Variants in MACF1 observed in about 807,000 individuals in gnomAD.
The protein encoded by MACF1 is microtubule-actin cross-linking factor 1.
In MACF1, 193 loss-of-function variants were observed where a neutral mutation model predicts 854.8. The observed-to-expected ratio is 0.23, with a 90% CI of 0.20 to 0.25. The LOEUF (loss-of-function observed/expected upper bound fraction) is 0.25, where lower values mean the gene tolerates loss of function less well. Among genes scored for constraint, MACF1 ranks in the 10% least tolerant of loss-of-function variants. MACF1 has a pLI of 1.00. For synonymous variants in MACF1, 3,185 were observed against 3,226.7 expected, an observed-to-expected ratio of 0.99 and a Z score of 0.44; for missense variants, 7,722 against 8,929.1, an observed-to-expected ratio of 0.86 and a Z score of 5.45.
intron 41 of MACF1, among the ~76,000 whole-genome samples, chr1:39,348,156 C>A (rs768615356): frequency 6.6e-6 from 1 of 152,096 alleles, no homozygotes. Context: ...GTATTACTGT[C>A]TCATTTTTTC....
chr1:39,208,168 T>TG (rs1291866827), intron 1 of MACF1, among the ~76,000 whole-genome samples: 1 of 147,898 alleles, frequency 6.8e-6, no homozygotes, highest in Non-Finnish European at 1.5e-5. Context: ...ATAAAAGGGT[T>TG]TTTTTTTTTT....
At position 39,296,730 on chromosome 1, in the gene MACF1, A is replaced by AAAAG. The variant is rs202187123; in HGVS notation, c.2355+869_2356-866dup. Among the ~76,000 whole-genome samples the AAAAG allele has an allele frequency of 2.7e-3, 238 of 87,052 alleles. 2 individuals carry two copies. Among genetic ancestry groups the AAAAG allele is most frequent in the African/African-American group, 9.2e-3 (184 of 20,020 alleles). The allele number at this position is 87,052 out of a possible 152,430, so 57.1% of individuals were successfully genotyped here. A position where few individuals can be genotyped will look rare whatever the true frequency, so the allele number is the denominator to read the frequency against. ...GGGCAACAGAGCAAGTGTCTAAATA[A>AAAAG]AAAGAAAGAAAGAAAGAAAGAAAGG... On this transcript the variant is annotated intron_variant, in intron 20 of 100. Transcript: ENST00000564288.
At chr1:39,445,213 G>A (rs771942022) in intron 80 of MACF1, among the ~76,000 whole-genome samples, 6 of 152,276 alleles carry the variant, frequency 3.9e-5, no homozygotes, top group East Asian at 3.9e-4. Context: ...GGTTCCTAAC[G>A]TAAATGTAGT....
At chr1:39,326,698 AAAAG>A (rs1557589086) in intron 35 of MACF1, among the ~76,000 whole-genome samples, 1 of 150,442 alleles carries the variant, frequency 6.6e-6, no homozygotes, top group Non-Finnish European at 1.5e-5. Context: ...AAAAAAAAAA[AAAAG>A]AGAGAAGAAA....
chr1:39,136,651 T>C (rs1643178219), intron 2 of MACF1, among the ~76,000 whole-genome samples: 1 of 152,146 alleles, frequency 6.6e-6, no homozygotes, highest in Non-Finnish European at 1.5e-5. Context: ...AGACCAGTTG[T>C]CTCTCAGAAG....
chr1:39,122,793 C>A (rs1642749914), intron 2 of MACF1, among the ~76,000 whole-genome samples: 1 of 152,174 alleles, frequency 6.6e-6, no homozygotes, highest in African/African-American at 2.4e-5. Context: ...ATTCCAGAAG[C>A]ATTCTCGCCA....
At position 39,439,264 on chromosome 1, in the gene MACF1, ACCT is replaced by A. The variant is rs1274078230; in HGVS notation, c.18221-5_18221-3del. The A allele has an allele frequency of 5.7e-6, 9 of 1,571,212 alleles. No individual in the cohort carries two copies. In the Admixed American group the frequency reaches 8.4e-5, roughly 15 times the overall value. On this transcript the variant is annotated splice_polypyrimidine_tract_variant and splice_region_variant and intron_variant, in intron 71 of 100. Coordinates refer to ENST00000564288, the MANE Select transcript of MACF1 (RefSeq NM_001394062.1). ...AGTCCTATTCATATCTCTTTTTTTAACCTCCTCAGAAATCCAGGATAAATTGGA... is the reference window on the plus strand; with the variant it reads ...AGTCCTATTCATATCTCTTTTTTTAACCTCAGAAATCCAGGATAAATTGGA...
At chr1:39,438,061 G>A (rs1010856430) in intron 71 of MACF1, 53 bp downstream of exon 71, 3 of 1,515,360 alleles carry the variant, frequency 2.0e-6, no homozygotes, top group East Asian at 2.3e-5. Flanking sequence ...ATTCTAGGCT[G>A]TGGTTATCTT....
intron 22 of MACF1, among the ~76,000 whole-genome samples, chr1:39,302,412 G>A (rs186656094): frequency 1.3e-5 from 2 of 152,316 alleles, no homozygotes; most frequent in Non-Finnish European, 2.9e-5. Context: ...AAATGGGACT[G>A]TGCTTTTGTG....
At chr1:39,244,527 C>G (rs926971463) in intron 2 of MACF1, among the ~76,000 whole-genome samples, 4 of 151,088 alleles carry the variant, frequency 2.6e-5, no homozygotes, top group African/African-American at 9.7e-5. Context: ...ATGATCCACC[C>G]GCCTTGGCCT....
chr1:39,149,589 G>T (rs563851030), intron 2 of MACF1, among the ~76,000 whole-genome samples: 1 of 151,598 alleles, frequency 6.6e-6, no homozygotes, highest in Non-Finnish European at 1.5e-5. Flanking sequence ...AAAATAAAAG[G>T]AGGCATTGAT....
chr1:39,485,607 G>A lies in MACF1; in HGVS notation c.22481G>A (p.Arg7494Gln), dbSNP rs141451252. The change falls in exon 101 of 101, where the codon CGG (arginine) becomes CAG (glutamine). Residue 7494 changes from arginine (R) to glutamine (Q), a missense_variant. By Grantham distance (43) the Arg-to-Gln change is conservative. Coordinates refer to ENST00000564288, the MANE Select transcript of MACF1 (RefSeq NM_001394062.1). ...GSRAGSRASSRRGSDASDFDL... is the reference protein window; with the variant it reads ...GSRAGSRASSQRGSDASDFDL... ...CGAGCCGGGAGTCGAGCCAGCAGCC[G>A]GCGAGGAAGTGACGCTTCTGACTTT... is the stretch of plus-strand genomic sequence containing the variant. 24 of 1,613,984 alleles carry A rather than the reference G, an allele frequency of 1.5e-5. No individual in the cohort carries two copies. In the African/African-American group the frequency reaches 1.7e-4, roughly 12 times the overall value.
At chr1:39,297,216 G>A (rs1157818331) in intron 20 of MACF1, among the ~76,000 whole-genome samples, 5 of 152,096 alleles carry the variant, frequency 3.3e-5, no homozygotes, top group South Asian at 2.1e-4. Context: ...GTGAGCCACC[G>A]CGCCTGGCCT....
In MACF1 at chr1:39,331,172, CTTTTTTT is replaced by C. The variant is rs71060310; in HGVS notation, c.4615-9_4615-3del. ...TCAGTTTTCTTTTTCTTCTCTTTTCCTTTTTTTTTTTTTTTTTTTTTTTTTTTTAGGA... is the reference window on the plus strand; with the variant it reads ...TCAGTTTTCTTTTTCTTCTCTTTTCCTTTTTTTTTTTTTTTTTTTTTAGGA... On this transcript the variant is annotated intron_variant, in intron 36 of 100. Transcript: ENST00000564288. The C allele has an allele frequency of 5.9e-5, 77 of 1,302,864 alleles. No individual in the cohort carries two copies. In the African/African-American group the frequency reaches 8.6e-4, roughly 15 times the overall value. The allele number at this position is 1,302,864 out of a possible 1,614,324, so 80.7% of individuals were successfully genotyped here.
intron 23 of MACF1, among the ~76,000 whole-genome samples, chr1:39,307,509 A>G (rs1418448756): frequency 1.3e-5 from 2 of 152,188 alleles, no homozygotes; most frequent in Admixed American, 6.5e-5. Context: ...TGCATTCATT[A>G]TGCTAATGAA....
chr1:39,196,314 C>G (rs2148255021), intron 2 of MACF1, among the ~76,000 whole-genome samples: 1 of 152,252 alleles, frequency 6.6e-6, no homozygotes, highest in Admixed American at 6.5e-5. Flanking sequence ...TTCAATGACA[C>G]TTTTGTATGT....
At chr1:39,325,449 C>G (rs937330464) in intron 35 of MACF1, among the ~76,000 whole-genome samples, 14 of 152,074 alleles carry the variant, frequency 9.2e-5, no homozygotes, top group Admixed American at 3.9e-4. Flanking sequence ...ACTGCTCTTT[C>G]AAGAAGCCAG....
intron 2 of MACF1, among the ~76,000 whole-genome samples, chr1:39,232,385 C>T (rs1032939807): frequency 8.5e-5 from 13 of 152,196 alleles, no homozygotes; most frequent in Admixed American, 7.2e-4. Context: ...TTGATACTGT[C>T]GTCTACTCCT....
At position 39,356,766 on chromosome 1, in the gene MACF1, G is replaced by A. The variant is rs568044909; in HGVS notation, c.11425-609G>A. Among the ~76,000 whole-genome samples the A allele has an allele frequency of 8.4e-4, 128 of 152,316 alleles. 1 individual carries two copies. Among genetic ancestry groups the A allele is most frequent in the African/African-American group, 3.0e-3 (123 of 41,588 alleles). On this transcript the variant is annotated intron_variant, in intron 44 of 100. Coordinates refer to ENST00000564288, the MANE Select transcript of MACF1 (RefSeq NM_001394062.1). ...TAGTTGTCCATTTGTACAGTTTAGC[G>A]AAGAGAGTCAGGTTTGAGTTGCAGT...
Sources: gnomAD v4.1 joint callset for allele counts (sites outside exome capture counted in the v4.1 genomes callset) on GRCh38, gnomAD v4.1.1 for gene constraint, MANE v1.5 for transcripts, NCBI Gene and HGNC (gene_info 2026-07-23, HGNC 2026-07-21) for gene names.